Variants in TSHZ2 observed in about 807,000 individuals in gnomAD.
TSHZ2 encodes teashirt zinc finger homeobox 2.
Under a neutral mutation model 74.4 loss-of-function variants are expected in TSHZ2, and 21 were observed. The observed-to-expected ratio is 0.28, with a 90% CI of 0.20 to 0.41. TSHZ2 has a LOEUF of 0.41. Among genes scored for constraint, TSHZ2 ranks in the 10% least tolerant of loss-of-function variants. TSHZ2 has a pLI of 1.00. For synonymous variants in TSHZ2, 540 were observed against 515.3 expected, an observed-to-expected ratio of 1.05 and a Z score of -0.65; for missense variants, 1,244 against 1,293.5, an observed-to-expected ratio of 0.96 and a Z score of 0.59.
In TSHZ2 at chr20:53,079,117, G is replaced by T. The variant is rs536353560; in HGVS notation, c.40+105784G>T. 6.6e-5 allele frequency among the ~76,000 whole-genome samples: 10 copies of T among 152,266 alleles called. No individual in the cohort carries two copies. The East Asian group carries it at 1.3e-3, about 21-fold the overall frequency. ...GAGAGCGTGGAAGACTATCAACATA[G>T]GGTGATTGTCAAAATAGGAAGTAAT... is the stretch of plus-strand genomic sequence containing the variant. On this transcript the variant is annotated intron_variant, in intron 1 of 2. Coordinates refer to ENST00000371497, the MANE Select transcript of TSHZ2 (RefSeq NM_173485.6).
At chr20:53,143,608 C>T (rs1410675508) in intron 1 of TSHZ2, among the ~76,000 whole-genome samples, 5 of 152,056 alleles carry the variant, frequency 3.3e-5, no homozygotes, top group African/African-American at 9.7e-5. Context: ...AGGAGAATGG[C>T]GTGAACACGG....
At chr20:53,068,886 A>G (rs1177192405) in intron 1 of TSHZ2, among the ~76,000 whole-genome samples, 1 of 151,218 alleles carries the variant, frequency 6.6e-6, no homozygotes, top group African/African-American at 2.4e-5. Flanking sequence ...TTTTTTTTCC[A>G]TAAAGAACTG....
chr20:53,187,022 T>C (rs973853301), intron 1 of TSHZ2, among the ~76,000 whole-genome samples: 1 of 152,122 alleles, frequency 6.6e-6, no homozygotes, highest in Non-Finnish European at 1.5e-5. Context: ...TTTCTTTGTG[T>C]GTATATAGCC....
At chr20:53,200,608 T>C (rs578126181) in intron 1 of TSHZ2, among the ~76,000 whole-genome samples, 2 of 152,356 alleles carry the variant, frequency 1.3e-5, no homozygotes, top group African/African-American at 2.4e-5. Context: ...GTAAGACTTC[T>C]TACAGTCCTT....
At chr20:53,233,691 G>C (rs1195107404) in intron 1 of TSHZ2, among the ~76,000 whole-genome samples, 1 of 152,124 alleles carries the variant, frequency 6.6e-6, no homozygotes, top group Non-Finnish European at 1.5e-5. Flanking sequence ...TGTTCAAATG[G>C]GCAGACTCAG....
intron 2 of TSHZ2, among the ~76,000 whole-genome samples, chr20:53,314,892 G>T (rs1247388584): frequency 6.6e-6 from 1 of 152,164 alleles, no homozygotes. Flanking sequence ...AAAGTCCTGG[G>T]ATTACAGGCG....
chr20:53,025,344 G>T (rs1005949959), intron 1 of TSHZ2, among the ~76,000 whole-genome samples: 8 of 152,032 alleles, frequency 5.3e-5, no homozygotes, highest in Admixed American at 1.3e-4. Flanking sequence ...CAAAGATCTG[G>T]TTGTCAATTA....
chr20:53,204,079 A>T (rs1989077809), intron 1 of TSHZ2, among the ~76,000 whole-genome samples: 1 of 52,622 alleles, frequency 1.9e-5, no homozygotes, highest in Admixed American at 1.7e-4. Flanking sequence ...ATATGATACT[A>T]TTTATATCAT....
intron 1 of TSHZ2, among the ~76,000 whole-genome samples, chr20:53,126,781 A>G (rs1436774648): frequency 6.6e-6 from 1 of 152,178 alleles, no homozygotes; most frequent in Non-Finnish European, 1.5e-5. Context: ...AGTCATTTGC[A>G]ACTACTTGAC....
chr20:53,183,762 C>T lies in TSHZ2; in HGVS notation c.41-69737C>T, dbSNP rs900894793. 4.2e-4 allele frequency among the ~76,000 whole-genome samples: 64 copies of T among 152,174 alleles called. 1 individual carries two copies. Among genetic ancestry groups the T allele is most frequent in the Non-Finnish European group, 7.3e-5 (5 of 68,030 alleles). On this transcript the variant is annotated intron_variant, in intron 1 of 2. Coordinates refer to ENST00000371497, the MANE Select transcript of TSHZ2 (RefSeq NM_173485.6). Reference sequence around the variant, plus strand: ...ACTGCCACTGCCTTGTATCTTGAGGCAACACAAAGTATTGTCTTTTTAAGT... The same window carrying T: ...ACTGCCACTGCCTTGTATCTTGAGGTAACACAAAGTATTGTCTTTTTAAGT...
intron 1 of TSHZ2, among the ~76,000 whole-genome samples, chr20:53,166,797 TCAAAA>T (rs1988074151): frequency 6.6e-6 from 1 of 151,790 alleles, no homozygotes; most frequent in African/African-American, 2.4e-5. Context: ...AAATAAAAAA[TCAAAA>T]CAAAAATAAG....
chr20:53,236,001 A>T (rs181445093), intron 1 of TSHZ2, among the ~76,000 whole-genome samples: 7 of 152,310 alleles, frequency 4.6e-5, no homozygotes, highest in Admixed American at 4.6e-4. Flanking sequence ...ATTGTTTAGC[A>T]CCACTGAGTA....
chr20:53,325,841 G>A (rs1282465484), intron 2 of TSHZ2, among the ~76,000 whole-genome samples: 1 of 152,112 alleles, frequency 6.6e-6, no homozygotes, highest in East Asian at 1.9e-4. Flanking sequence ...GAGTGCAGTG[G>A]CACGATCTCG....
chr20:53,468,475 T>C (rs946872254), intron 2 of TSHZ2, among the ~76,000 whole-genome samples: 3 of 152,122 alleles, frequency 2.0e-5, no homozygotes, highest in Non-Finnish European at 2.9e-5. Context: ...CCTGACATTT[T>C]TGTTGTTGTT....
At chr20:53,034,840 T>C (rs994051216) in intron 1 of TSHZ2, among the ~76,000 whole-genome samples, 1 of 152,148 alleles carries the variant, frequency 6.6e-6, no homozygotes, top group Admixed American at 6.5e-5. Flanking sequence ...ATCTTATAGG[T>C]CAGGATAAAA....
At chr20:53,258,223 C>T (rs1401783910) in intron 2 of TSHZ2, among the ~76,000 whole-genome samples, 1 of 152,128 alleles carries the variant, frequency 6.6e-6, no homozygotes, top group Non-Finnish European at 1.5e-5. Context: ...ATGATTTGTT[C>T]AGCTCACGGA....
chr20:52,973,143 G>T lies in TSHZ2; in HGVS notation c.-151G>T. On this transcript the variant is annotated 5_prime_UTR_variant, in exon 1 of 3. The change creates a new upstream start codon in the 5' untranslated region. Transcript: ENST00000371497. ...TCTGGCCCGTGGTGGAGGAGTTGCA[G>T]GGGGGATCGTCAGGGGGACAGAGGC... 2 of 972,298 alleles carry T rather than the reference G, an allele frequency of 2.1e-6. No individual in the cohort carries two copies. The highest frequency in any genetic ancestry group is 3.0e-6 in the Non-Finnish European group (2 of 659,502). The allele number at this position is 972,298 out of a possible 1,614,324, so 60.2% of individuals were successfully genotyped here.
intron 1 of TSHZ2, among the ~76,000 whole-genome samples, chr20:53,208,895 A>G (rs962482312): frequency 1.3e-5 from 2 of 152,020 alleles, no homozygotes; most frequent in South Asian, 2.1e-4. Context: ...GGGCCCCCTT[A>G]CTGCTCTGCA....
intron 1 of TSHZ2, among the ~76,000 whole-genome samples, chr20:53,212,739 G>A (rs1480095386): frequency 1.3e-5 from 2 of 152,234 alleles, no homozygotes; most frequent in East Asian, 1.9e-4. Flanking sequence ...GATTCTCTCC[G>A]CATGGAGGTG....
Sources: gnomAD v4.1 joint callset for allele counts (sites outside exome capture counted in the v4.1 genomes callset) on GRCh38, gnomAD v4.1.1 for gene constraint, MANE v1.5 for transcripts, NCBI Gene and HGNC (gene_info 2026-07-23, HGNC 2026-07-21) for gene names.